The following NFIB variants were observed in gnomAD, a reference collection of about 807,000 sequenced individuals.
The protein encoded by NFIB is nuclear factor I B.
In NFIB, 11 loss-of-function variants were observed where a neutral mutation model predicts 61.5. The ratio of observed to expected loss-of-function variants is 0.18; its 90% CI spans 0.11 to 0.30. The LOEUF is 0.30. Among genes scored for constraint, NFIB ranks in the 10% least tolerant of loss-of-function variants. The pLI is 1.00. For missense variants in NFIB, 471 were observed against 608.9 expected (o/e 0.77, Z 2.38); for synonymous variants, 260 against 216.5 (o/e 1.20, Z -1.76).
rs1563926086 is a variant in NFIB at position 14,231,119 on chromosome 9, G to GAAA, written c.563-51340_563-51339insTTT. On this transcript the variant is annotated intron_variant, in intron 2 of 10. Transcript: ENST00000380953. Reference sequence around the variant, plus strand: ...TCCTTGGCCTACAGTTTTTCCATGGGGAAAAAAAAAAAAAAAATATATATA... The same window carrying GAAA: ...TCCTTGGCCTACAGTTTTTCCATGGGAAAGAAAAAAAAAAAAAAAATATATATA... Among the ~76,000 whole-genome samples, 16 of 35,410 alleles carry GAAA rather than the reference G, an allele frequency of 4.5e-4. 1 individual carries two copies. Among genetic ancestry groups the GAAA allele is most frequent in the Non-Finnish European group, 8.2e-4 (13 of 15,914 alleles). The allele number at this position is 35,410 out of a possible 152,430, so 23.2% of individuals were successfully genotyped here.
At chr9:14,510,178 G>A in the NFIB span, among the ~76,000 whole-genome samples, 1 of 152,214 alleles carries the variant, frequency 6.6e-6, no homozygotes, top group Non-Finnish European at 1.5e-5. Context: ...TTACAGGCGT[G>A]AGCCACCGTG....
the NFIB span, among the ~76,000 whole-genome samples, chr9:14,427,945 T>TTTG: frequency 3.2e-5 from 3 of 94,494 alleles, no homozygotes; most frequent in African/African-American, 1.4e-4. Context: ...TTGTTTTTTT[T>TTTG]TTTTTTTTTT....
the NFIB span, among the ~76,000 whole-genome samples, chr9:14,485,634 A>G: frequency 6.6e-6 from 1 of 152,096 alleles, no homozygotes; most frequent in Non-Finnish European, 1.5e-5. Flanking sequence ...CAGCACTTTG[A>G]GAGGCCAATG....
intron 1 of NFIB, among the ~76,000 whole-genome samples, chr9:14,350,200 C>T (rs777635782): frequency 1.8e-4 from 28 of 152,182 alleles, no homozygotes; most frequent in African/African-American, 4.6e-4. Context: ...TAAACAATGC[C>T]GCTTATTAGA....
At chr9:14,204,465 G>A (rs556171178) in intron 2 of NFIB, 49 of 1,034,316 alleles carry the variant, frequency 4.7e-5, no homozygotes, top group African/African-American at 9.4e-5. Flanking sequence ...CTCTATAAGC[G>A]ACTGAAAATG....
the NFIB span, among the ~76,000 whole-genome samples, chr9:14,478,460 G>C: frequency 6.6e-6 from 1 of 152,082 alleles, no homozygotes; most frequent in East Asian, 1.9e-4. Context: ...AAAGTACTGA[G>C]TAGAACACCA....
intron 2 of NFIB, among the ~76,000 whole-genome samples, chr9:14,220,471 G>C (rs1453948040): frequency 6.6e-5 from 10 of 152,238 alleles, no homozygotes; most frequent in Middle Eastern, 3.4e-3. Flanking sequence ...CCACAAGGCA[G>C]GATAGTTCTG....
At chr9:14,157,862 CTTT>C (rs2043621321) in intron 3 of NFIB, among the ~76,000 whole-genome samples, 2 of 152,064 alleles carry the variant, frequency 1.3e-5, no homozygotes, top group Admixed American at 1.3e-4. Flanking sequence ...ACAAAACCTT[CTTT>C]ATCTTGGGAG....
At chr9:14,308,460 C>T (rs757503536) in intron 1 of NFIB, among the ~76,000 whole-genome samples, 8 of 152,158 alleles carry the variant, frequency 5.3e-5, no homozygotes, top group Non-Finnish European at 1.0e-4. Context: ...ATATGCAGCC[C>T]CACAGAGTCC....
chr9:14,341,040 G>A (rs1490510562), intron 1 of NFIB, among the ~76,000 whole-genome samples: 2 of 152,188 alleles, frequency 1.3e-5, no homozygotes, highest in East Asian at 1.9e-4. Context: ...CTTAGTAGAT[G>A]AGGAATGTAG....
chr9:14,487,854 C>T, the NFIB span, among the ~76,000 whole-genome samples: 4 of 152,084 alleles, frequency 2.6e-5, no homozygotes, highest in Admixed American at 1.3e-4. Context: ...TCCAGACAGA[C>T]GACGAAGGAT....
At chr9:14,238,011 T>C (rs748655591) in intron 2 of NFIB, among the ~76,000 whole-genome samples, 1 of 151,820 alleles carries the variant, frequency 6.6e-6, no homozygotes, top group Non-Finnish European at 1.5e-5. Flanking sequence ...ATATGAAATA[T>C]GTGAGGTAGC....
At chr9:14,297,838 T>C (rs2059533113) in intron 2 of NFIB, among the ~76,000 whole-genome samples, 1 of 152,200 alleles carries the variant, frequency 6.6e-6, no homozygotes, top group Non-Finnish European at 1.5e-5. Context: ...AAGAAGAGTT[T>C]GGTAGGATAA....
chr9:14,199,092 A>G (rs1379541004), intron 2 of NFIB, among the ~76,000 whole-genome samples: 1 of 152,216 alleles, frequency 6.6e-6, no homozygotes, highest in Admixed American at 6.5e-5. Flanking sequence ...ATCCAAAGTG[A>G]CCCAGGTTCC....
the NFIB span, among the ~76,000 whole-genome samples, chr9:14,487,614 A>G: frequency 6.6e-6 from 1 of 152,154 alleles, no homozygotes; most frequent in African/African-American, 2.4e-5. Flanking sequence ...GAAAACAGAA[A>G]AATCAAAGAA....
chr9:14,416,892 C>CT, the NFIB span, among the ~76,000 whole-genome samples: 6,881 of 126,892 alleles, frequency 0.054, 261 homozygotes, highest in Middle Eastern at 0.14. Flanking sequence ...ACTATTTTTA[C>CT]TTTTTTTTTT....
chr9:14,330,111 A>G (rs769529245), intron 1 of NFIB, among the ~76,000 whole-genome samples: 2 of 152,156 alleles, frequency 1.3e-5, no homozygotes, highest in Non-Finnish European at 2.9e-5. Flanking sequence ...TGGGCCACAG[A>G]GAGAGACTCC....
intron 2 of NFIB, among the ~76,000 whole-genome samples, chr9:14,259,779 C>G (rs987279472): frequency 6.6e-6 from 1 of 152,088 alleles, no homozygotes; most frequent in South Asian, 2.1e-4. Flanking sequence ...GTGGCGGGCA[C>G]TTGTAATCCC....
At chr9:14,459,318 A>G in the NFIB span, among the ~76,000 whole-genome samples, 1 of 152,228 alleles carries the variant, frequency 6.6e-6, no homozygotes, top group Non-Finnish European at 1.5e-5. Flanking sequence ...AGCCATATGT[A>G]GAAAGCTGAA....
Sources: allele counts gnomAD v4.1 joint callset (sites outside exome capture counted in the v4.1 genomes callset), GRCh38; gene constraint gnomAD v4.1.1; transcripts MANE v1.5; gene names NCBI Gene and HGNC (gene_info 2026-07-23, HGNC 2026-07-21).